LIMS1: variants seen among roughly 807,000 people sequenced by gnomAD.
LIMS1 encodes the protein LIM zinc finger domain containing 1, also known as LIM and senescent cell antigen-like-containing domain protein 1.
LIMS1 carries 18 observed loss-of-function variants against 44.1 expected under a neutral mutation model. The observed-to-expected ratio is 0.41, with a 90% confidence interval of 0.28 to 0.61. The LOEUF is 0.61. LIMS1 is among the 20% of genes least tolerant of loss of function. The pLI, the probability that LIMS1 is intolerant of heterozygous loss-of-function variation, is 0.32. For missense variants in LIMS1, 201 were observed against 422.0 expected, an observed-to-expected ratio of 0.48 and a Z score of 4.59; for synonymous variants, 93 against 149.1, an observed-to-expected ratio of 0.62 and a Z score of 2.74.
intron 1 of LIMS1, among the ~76,000 whole-genome samples, chr2:108,570,202 G>A (rs1293528345): frequency 1.3e-5 from 2 of 152,070 alleles, no homozygotes; most frequent in Non-Finnish European, 2.9e-5. Context: ...AGGCCAAGGC[G>A]GACAGATCAC....
intron 1 of LIMS1, among the ~76,000 whole-genome samples, chr2:108,569,589 T>TGA (rs1573345091): frequency 1.3e-5 from 2 of 152,286 alleles, no homozygotes; most frequent in East Asian, 3.9e-4. Flanking sequence ...CCCATCTTGC[T>TGA]GAGGTTTTTG....
At chr2:108,570,052 C>G (rs1334462042) in intron 1 of LIMS1, among the ~76,000 whole-genome samples, 1 of 152,060 alleles carries the variant, frequency 6.6e-6, no homozygotes, top group African/African-American at 2.4e-5. Context: ...AATATATTTA[C>G]AGGAATTATG....
chr2:108,613,580 A>G (rs887414181), intron 1 of LIMS1, among the ~76,000 whole-genome samples: 1 of 151,972 alleles, frequency 6.6e-6, no homozygotes, highest in Non-Finnish European at 1.5e-5. Flanking sequence ...TGTCTGTTCC[A>G]TGGACTGCCA....
chr2:108,579,343 C>T (rs1490017490), intron 1 of LIMS1, among the ~76,000 whole-genome samples: 1 of 152,172 alleles, frequency 6.6e-6, no homozygotes, highest in African/African-American at 2.4e-5. Flanking sequence ...TTTACTTGTA[C>T]TCAGTGTACC....
rs748332307 is a variant in LIMS1 at position 108,612,001 on chromosome 2, TAC to T, written c.33-47598_33-47597del. ...AAAATATATATACATATATTATATA[TAC>T]ACACATATATATATACACACACATA... is the stretch of plus-strand genomic sequence containing the variant. On this transcript the variant is annotated intron_variant, in intron 1 of 9. Coordinates refer to ENST00000544547, the Ensembl canonical transcript of LIMS1. 2.1e-3 allele frequency among the ~76,000 whole-genome samples: 269 copies of T among 125,182 alleles called. 3 individuals carry two copies. Among genetic ancestry groups the T allele is most frequent in the South Asian group, 0.012 (41 of 3,490 alleles). The allele number at this position is 125,182 out of a possible 152,430, so 82.1% of individuals were successfully genotyped here. A position where few individuals can be genotyped will look rare whatever the true frequency, so the allele number is the denominator to read the frequency against.
rs191987579 is a variant in LIMS1 at position 108,572,605 on chromosome 2, C to T, written c.32+38011C>T. Among the ~76,000 whole-genome samples, 4 of 152,064 alleles carry T rather than the reference C, an allele frequency of 2.6e-5. No individual in the cohort carries two copies. The East Asian group carries it at 5.8e-4, about 22-fold the overall frequency. On this transcript the variant is annotated intron_variant, in intron 1 of 9. Transcript: ENST00000544547. ...TTCACTATGTTGGCCAGGTGGGTCT[C>T]GAACTCCTGACCTTGTGTTCCACCC...
At chr2:108,594,745 C>T (rs1165063542) in intron 1 of LIMS1, among the ~76,000 whole-genome samples, 2 of 152,078 alleles carry the variant, frequency 1.3e-5, no homozygotes, top group African/African-American at 4.8e-5. Context: ...GTCATCATGT[C>T]CAAGCTATAT....
chr2:108,608,317 T>G (rs1687388964), intron 1 of LIMS1, among the ~76,000 whole-genome samples: 1 of 151,796 alleles, frequency 6.6e-6, no homozygotes, highest in African/African-American at 2.4e-5. Context: ...CTTTTTTTTT[T>G]TTTTTTGAGA....
intron 1 of LIMS1, among the ~76,000 whole-genome samples, chr2:108,581,342 TA>T (rs1306741321): frequency 6.6e-6 from 1 of 152,176 alleles, no homozygotes; most frequent in Admixed American, 6.5e-5. Flanking sequence ...ACAAGGTACC[TA>T]AAAAAAGGCA....
In LIMS1 at chr2:108,588,075, A is replaced by G. The variant is rs922262797; in HGVS notation, c.32+53481A>G. On this transcript the variant is annotated intron_variant, in intron 1 of 9. Transcript: ENST00000544547. ...TTACCTCTTTCTATGATGATCAGTTATTCATTTTTCTAAATATTTGTCTGC... is the reference window on the plus strand; with the variant it reads ...TTACCTCTTTCTATGATGATCAGTTGTTCATTTTTCTAAATATTTGTCTGC... Among the ~76,000 whole-genome samples, 10 of 152,298 alleles carry G rather than the reference A, an allele frequency of 6.6e-5. No individual in the cohort carries two copies. In the South Asian group the frequency reaches 1.0e-3, roughly 16 times the overall value.
intron 2 of LIMS1, among the ~76,000 whole-genome samples, chr2:108,666,157 T>C (rs577125653): frequency 6.6e-6 from 1 of 152,206 alleles, no homozygotes; most frequent in African/African-American, 2.4e-5. Flanking sequence ...ACTGTCCTCC[T>C]TCTGATGCCA....
chr2:108,627,696 A>G (rs1688658919), intron 1 of LIMS1, among the ~76,000 whole-genome samples: 1 of 152,216 alleles, frequency 6.6e-6, no homozygotes, highest in Non-Finnish European at 1.5e-5. Context: ...AAAAGGAAAC[A>G]GTACTATTTA....
intron 1 of LIMS1, among the ~76,000 whole-genome samples, chr2:108,639,961 G>C (rs112536141): frequency 0.012 from 1,855 of 152,238 alleles, 44 homozygotes; most frequent in African/African-American, 0.043. Flanking sequence ...ACATCCATGC[G>C]CACGGGCTCA....
intron 1 of LIMS1, among the ~76,000 whole-genome samples, chr2:108,589,408 T>G (rs541038704): frequency 6.6e-6 from 1 of 152,344 alleles, no homozygotes; most frequent in Non-Finnish European, 1.5e-5. Context: ...ATAATCACTT[T>G]GCTGTACAAT....
chr2:108,637,930 C>T (rs1689387244), intron 1 of LIMS1, among the ~76,000 whole-genome samples: 1 of 151,112 alleles, frequency 6.6e-6, no homozygotes, highest in Non-Finnish European at 1.5e-5. Flanking sequence ...GGCATGATCA[C>T]AGCTCAGTCA....
At chr2:108,666,730 A>G (rs1320521042) in intron 2 of LIMS1, among the ~76,000 whole-genome samples, 2 of 147,000 alleles carry the variant, frequency 1.4e-5, no homozygotes, top group African/African-American at 5.0e-5. Flanking sequence ...TGGAGGCTAC[A>G]GTGAGCTATA....
At position 108,568,446 on chromosome 2, in the gene LIMS1, G is replaced by A. The variant is rs564709142; in HGVS notation, c.32+33852G>A. 2.6e-5 allele frequency among the ~76,000 whole-genome samples: 4 copies of A among 152,290 alleles called. No homozygotes were observed. The East Asian group carries it at 7.7e-4, about 29-fold the overall frequency. On this transcript the variant is annotated intron_variant, in intron 1 of 9. Coordinates refer to ENST00000544547, the Ensembl canonical transcript of LIMS1. The stretch of plus-strand genomic sequence containing the variant: ...TATTAATCTGTTAGTGGGCACTTGA[G>A]TTCTTCCACATTTTGGCTATTGTGA...
exon 1 of LIMS1, chr2:108,534,533 T>C: frequency 1.7e-6 from 2 of 1,207,294 alleles, no homozygotes. Context: ...GACGAGGGGC[T>C]GAGAGACGGC....
At chr2:108,539,328 G>A (rs939754809) in intron 1 of LIMS1, among the ~76,000 whole-genome samples, 11 of 152,148 alleles carry the variant, frequency 7.2e-5, no homozygotes, top group African/African-American at 2.7e-4. Flanking sequence ...CAAGCGATCC[G>A]CCCTTCTCGG....
Sources: gnomAD v4.1 joint callset for allele counts (sites outside exome capture counted in the v4.1 genomes callset) on GRCh38, gnomAD v4.1.1 for gene constraint, MANE v1.5 for transcripts, NCBI Gene and HGNC (gene_info 2026-07-23, HGNC 2026-07-21) for gene names.